TP53BP1: variants seen among roughly 807,000 people sequenced by gnomAD.
The protein encoded by TP53BP1 is tumor protein p53 binding protein 1.
A neutral mutation model predicts 200.8 loss-of-function variants in TP53BP1; 61 were observed. That is an observed-to-expected ratio of 0.30 (90% CI 0.25 to 0.38). TP53BP1 has a LOEUF of 0.38. TP53BP1 is among the 10% of genes least tolerant of loss of function. The pLI, the probability that TP53BP1 is intolerant of heterozygous loss-of-function variation, is 1.00. For synonymous variants in TP53BP1, 822 were observed against 844.3 expected (o/e 0.97, Z 0.46); for missense variants, 2,144 against 2,371.9 (o/e 0.90, Z 2.00).
In TP53BP1 at chr15:43,445,684, T is replaced by G. The variant is rs913657867; in HGVS notation, c.3040+703A>C. ...ATCATACAGTATATGTGAAGAGTCA[T>G]TCTCTCTTTTTTTCCTCCCCCTTAC... On this transcript the variant is annotated intron_variant, in intron 14 of 27. Coordinates refer to ENST00000382044, the MANE Select transcript of TP53BP1 (RefSeq NM_001141980.3). Among the ~76,000 whole-genome samples the G allele has an allele frequency of 7.9e-5, 12 of 152,230 alleles. No homozygotes were observed. The South Asian group carries it at 2.1e-3, about 26-fold the overall frequency.
chr15:43,444,458 T>C (rs935353092), intron 14 of TP53BP1, among the ~76,000 whole-genome samples: 2 of 152,174 alleles, frequency 1.3e-5, no homozygotes, highest in Non-Finnish European at 2.9e-5. Flanking sequence ...GATGGAACCA[T>C]GTAATACTTT....
rs1162406246 is a variant in TP53BP1, at chr15:43,408,040, T to C, written c.5649A>G (p.Ser1883=). 2.5e-6 allele frequency: 4 copies of C among 1,614,050 alleles called. No individual in the cohort carries two copies. The Admixed American group carries it at 6.7e-5, about 27-fold the overall frequency. The change falls in exon 27 of 28, where the codon TCA becomes TCG. Residue 1883 remains serine (S), a synonymous_variant. Transcript: ENST00000382044. ...PFQNLKVLLV[S]DQQQNFLELW... ...GCTCCAGGAAGTTCTGCTGTTGGTC[T>C]GATACCAAGAGTACCTTCAGATTCT...
rs763839898 is a variant in TP53BP1, at chr15:43,470,017, A to T, written c.1230T>A (p.Phe410Leu). The change falls in exon 11 of 28, where the codon TTT (phenylalanine) becomes TTA (leucine). Residue 410 changes from phenylalanine to leucine, a missense_variant. By Grantham distance (22) the Phe-to-Leu change is conservative. This residue lies in a region of TP53BP1 where 1,700 missense variants were observed against 1,710.3 expected (regional missense o/e 0.99). Coordinates refer to ENST00000382044, the MANE Select transcript of TP53BP1 (RefSeq NM_001141980.3). ...SVLSEEGGEP[F>L]QKKLQSGEPV... ...GTTCACCACTTTGAAGTTTCTTCTG[A>T]AAAGGCTCTCCTCCTTCTTCAGATA... is the stretch of plus-strand genomic sequence containing the variant. The T allele has an allele frequency of 8.1e-6, 13 of 1,613,626 alleles. No homozygotes were observed. In the South Asian group the frequency reaches 1.3e-4, roughly 16 times the overall value.
At chr15:43,445,029 T>C (rs901596190) in intron 14 of TP53BP1, among the ~76,000 whole-genome samples, 2 of 152,130 alleles carry the variant, frequency 1.3e-5, no homozygotes, top group African/African-American at 4.8e-5. Flanking sequence ...TAGGCATAAA[T>C]GGGTTAAAAT....
intron 10 of TP53BP1, among the ~76,000 whole-genome samples, chr15:43,474,455 CAAAAAAAAAA>C (rs398043214): frequency 1.3e-5 from 1 of 79,136 alleles, no homozygotes; most frequent in South Asian, 4.2e-4. Flanking sequence ...TGGGGTTAGA[CAAAAAAAAAA>C]AAAAAAAAAG....
rs2045688079 is a variant in TP53BP1 at position 43,432,248 on chromosome 15, A to T, written c.3621T>A (p.Ser1207Arg). 2 of 1,613,062 alleles carry T rather than the reference A, an allele frequency of 1.2e-6. No homozygotes were observed. Among genetic ancestry groups the T allele is most frequent in the Admixed American group, 3.3e-5 (2 of 59,894 alleles). ...QDATVQTERG[S>R]GEKPVSAPGD... ...CAGGAGCACTGACTGGTTTCTCACC[A>T]CTCCCCCTCTCAGTCTGAACTGTGG... The change falls in exon 17 of 28, where the codon AGT becomes AGA. Residue 1207 changes from serine to arginine, a missense_variant. By Grantham distance (110) the Ser-to-Arg change is moderately radical (BLOSUM62 -1). Around this residue, in one of 4 missense-constraint regions of TP53BP1, gnomAD observed 1,700 missense variants for 1,710.3 expected, o/e 0.99. Transcript: ENST00000382044.
At chr15:43,450,428 T>C (rs2467741) in intron 12 of TP53BP1, among the ~76,000 whole-genome samples, 69,946 of 152,112 alleles carry the variant, frequency 0.46, 20,845 homozygotes, top group African/African-American at 0.85. Flanking sequence ...CTGCCTCTGA[T>C]ATTAATAGCC....
chr15:43,484,967 C>T (rs1377901049), intron 4 of TP53BP1, among the ~76,000 whole-genome samples: 1 of 152,008 alleles, frequency 6.6e-6, no homozygotes, highest in African/African-American at 2.4e-5. Context: ...CCAGGCTGCT[C>T]TCAAACTCCT....
intron 21 of TP53BP1, among the ~76,000 whole-genome samples, chr15:43,417,901 C>T (rs1032164186): frequency 2.8e-4 from 42 of 152,202 alleles, no homozygotes; most frequent in African/African-American, 8.7e-4. Flanking sequence ...TTTTTCCAGC[C>T]GGGAGCAGTG....
At chr15:43,461,406 C>G (rs1052915612) in intron 11 of TP53BP1, among the ~76,000 whole-genome samples, 2 of 151,550 alleles carry the variant, frequency 1.3e-5, no homozygotes, top group Admixed American at 6.6e-5. Flanking sequence ...TTTGTAGAGA[C>G]GAGATTTTGC....
intron 4 of TP53BP1, among the ~76,000 whole-genome samples, chr15:43,488,860 C>T (rs2079082985): frequency 6.6e-6 from 1 of 152,140 alleles, no homozygotes; most frequent in Non-Finnish European, 1.5e-5. Flanking sequence ...CACCATTGCA[C>T]TCCAGCCTGG....
At chr15:43,408,769 AC>A in intron 26 of TP53BP1, 127 bp downstream of exon 26, 1 of 894,750 alleles carries the variant, frequency 1.1e-6, no homozygotes, top group Non-Finnish European at 1.7e-6. Flanking sequence ...GTCATTTCAA[AC>A]CCACTCAAAT....
intron 10 of TP53BP1, among the ~76,000 whole-genome samples, chr15:43,471,554 G>C (rs945492802): frequency 1.7e-4 from 26 of 152,082 alleles, no homozygotes; most frequent in Admixed American, 1.6e-3. Context: ...AGCCTCCTGA[G>C]TAGCTGGGAT....
intron 10 of TP53BP1, among the ~76,000 whole-genome samples, chr15:43,473,335 C>G (rs2264239): frequency 0.27 from 41,117 of 152,048 alleles, 9,146 homozygotes; most frequent in African/African-American, 0.61. Flanking sequence ...ATTGGTAGAG[C>G]CAGTGGTCTG....
At chr15:43,506,902 T>G (rs1009811629) in intron 1 of TP53BP1, among the ~76,000 whole-genome samples, 1 of 152,130 alleles carries the variant, frequency 6.6e-6, no homozygotes, top group South Asian at 2.1e-4. Flanking sequence ...CAGCCTCTAA[T>G]TGGTCACAGG....
chr15:43,411,242 T>A (rs1031373411), intron 24 of TP53BP1, among the ~76,000 whole-genome samples: 3 of 152,206 alleles, frequency 2.0e-5, no homozygotes, highest in African/African-American at 7.2e-5. Context: ...AATTTCTTCA[T>A]TTTTGAGGTA....
chr15:43,491,108 A>G (rs1257394696), intron 4 of TP53BP1, among the ~76,000 whole-genome samples: 1 of 149,378 alleles, frequency 6.7e-6, no homozygotes, highest in Non-Finnish European at 1.5e-5. Flanking sequence ...ACGGAGTCTC[A>G]CTCTGTCACT....
chr15:43,473,827 G>T lies in TP53BP1; in HGVS notation c.1180+846C>A, dbSNP rs2264050. On this transcript the variant is annotated intron_variant, in intron 10 of 27. Coordinates refer to ENST00000382044, the MANE Select transcript of TP53BP1 (RefSeq NM_001141980.3). The stretch of plus-strand genomic sequence containing the variant: ...TGGCTTCACCCAGTGGATCTCGCAC[G>T]GGGGCTGCAGGTGGAGCTGCCTACC... 9.2e-5 allele frequency among the ~76,000 whole-genome samples: 14 copies of T among 152,244 alleles called. No individual in the cohort carries two copies. In the East Asian group the frequency reaches 1.7e-3, roughly 19 times the overall value.
chr15:43,491,844 G>T, intron 3 of TP53BP1, 91 bp from the exon 4 acceptor site: 2 of 1,185,038 alleles, frequency 1.7e-6, no homozygotes, highest in Non-Finnish European at 2.5e-6. Context: ...AATCTAATCA[G>T]TGACACTAGC....
Sources: gnomAD v4.1 joint callset for allele counts (sites outside exome capture counted in the v4.1 genomes callset) on GRCh38, gnomAD v4.1.1 for gene constraint, gnomAD v4.1.1 regional missense constraint, MANE v1.5 for transcripts, NCBI Gene and HGNC (gene_info 2026-07-23, HGNC 2026-07-21) for gene names.